Variants in CFAP58 observed in about 807,000 individuals in gnomAD.
CFAP58 encodes the protein cilia- and flagella-associated protein 58.
In CFAP58, 88 loss-of-function variants were observed where a neutral mutation model predicts 119.5. The ratio of observed to expected loss-of-function variants is 0.74; its 90% CI spans 0.62 to 0.88. CFAP58 has a LOEUF of 0.88. Ranked by LOEUF, CFAP58 falls within the 40% of genes least tolerant of loss-of-function variation. The probability of loss-of-function intolerance (pLI) is 0.00; values close to 1 mark genes in which losing one functional copy is unlikely to be tolerated. For missense variants in CFAP58, 990 were observed against 1,021.2 expected, an observed-to-expected ratio of 0.97 and a Z score of 0.42; for synonymous variants, 365 against 366.3, an observed-to-expected ratio of 1.00 and a Z score of 0.04.
chr10:104,440,845 G>T (rs1278031490), intron 15 of CFAP58, among the ~76,000 whole-genome samples: 1 of 151,104 alleles, frequency 6.6e-6, no homozygotes, highest in Non-Finnish European at 1.5e-5. Context: ...TTCCCTTTCC[G>T]TGGCCCACCA....
At chr10:104,434,114 C>T (rs988367621) in intron 15 of CFAP58, among the ~76,000 whole-genome samples, 1 of 152,172 alleles carries the variant, frequency 6.6e-6, no homozygotes, top group African/African-American at 2.4e-5. Flanking sequence ...GCCTCTGTTT[C>T]CTCTGCTGTG....
chr10:104,447,948 T>C lies in CFAP58; in HGVS notation c.2376+131T>C, dbSNP rs898363892. ...CACGATCCTCTGAGGTCAGCTCCCT[T>C]AGAGCTCTAGTCTAGGATGAGCCAG... is the stretch of plus-strand genomic sequence containing the variant. On this transcript the variant is annotated intron_variant, in intron 16 of 17. Coordinates refer to ENST00000369704, the MANE Select transcript of CFAP58 (RefSeq NM_001008723.2). The C allele has an allele frequency of 2.7e-5, 31 of 1,147,380 alleles. No homozygotes were observed. In the Middle Eastern group the frequency reaches 9.1e-4, roughly 34 times the overall value. 71.1% of individuals were successfully genotyped at this position (1,147,380 alleles called of 1,614,324 possible). A position where few individuals can be genotyped will look rare whatever the true frequency, so the allele number is the denominator to read the frequency against.
chr10:104,348,453 A>C, the CFAP58 span, among the ~76,000 whole-genome samples: 1 of 152,218 alleles, frequency 6.6e-6, no homozygotes, highest in East Asian at 1.9e-4. Context: ...ATCCAGGTTT[A>C]AATAAGGAGC....
At chr10:104,354,058 T>C (rs879092527) in intron 1 of CFAP58, 152 bp downstream of exon 1, 1 of 934,480 alleles carries the variant, frequency 1.1e-6, no homozygotes, top group East Asian at 2.6e-5. Context: ...CCTTTCTCCG[T>C]TGGCTCTGGC....
intron 16 of CFAP58, among the ~76,000 whole-genome samples, chr10:104,449,455 T>C (rs1454109370): frequency 6.6e-6 from 1 of 152,180 alleles, no homozygotes; most frequent in Non-Finnish European, 1.5e-5. Flanking sequence ...ATTCCCACTC[T>C]TCTTGTCCAG....
chr10:104,357,070 A>G (rs1337744615), intron 1 of CFAP58, among the ~76,000 whole-genome samples: 3 of 152,226 alleles, frequency 2.0e-5, no homozygotes, highest in Admixed American at 6.5e-5. Context: ...AACTTATTAA[A>G]TGACTCTGTT....
intron 15 of CFAP58, among the ~76,000 whole-genome samples, chr10:104,436,528 T>TAGGCA (rs1202207120): frequency 1.3e-5 from 2 of 151,528 alleles, no homozygotes; most frequent in African/African-American, 4.9e-5. Flanking sequence ...GAAGCGGGAG[T>TAGGCA]AGGCACCGCA....
intron 15 of CFAP58, among the ~76,000 whole-genome samples, chr10:104,412,172 C>T (rs2012471444): frequency 6.6e-6 from 1 of 152,292 alleles, no homozygotes; most frequent in South Asian, 2.1e-4. Flanking sequence ...TTTAGTCTGA[C>T]ATATTGCCAT....
intron 9 of CFAP58, among the ~76,000 whole-genome samples, chr10:104,390,101 T>G (rs976969931): frequency 6.6e-6 from 1 of 152,162 alleles, no homozygotes. Flanking sequence ...ATATATGTCT[T>G]TTGAGCCAGC....
chr10:104,446,425 T>A (rs1466437358), intron 15 of CFAP58, among the ~76,000 whole-genome samples: 1 of 152,236 alleles, frequency 6.6e-6, no homozygotes, highest in East Asian at 1.9e-4. Flanking sequence ...GTAATGGAGT[T>A]TCAATAATTT....
chr10:104,439,746 A>C, intron 15 of CFAP58, among the ~76,000 whole-genome samples: 1 of 134,392 alleles, frequency 7.4e-6, no homozygotes, highest in African/African-American at 2.9e-5. Context: ...TTTCAAAGAA[A>C]AATAGCAAAA....
In CFAP58 at chr10:104,388,294, G is replaced by A. The variant is rs2011965160; in HGVS notation, c.1366-3939G>A. ...GTAGTGTAAACTATCATAATAATTT[G>A]TTAGCATTTATTAAATGATTAAATT... On this transcript the variant is annotated intron_variant, in intron 9 of 17. Transcript: ENST00000369704. Among the ~76,000 whole-genome samples the A allele has an allele frequency of 3.3e-5, 5 of 152,124 alleles. No homozygotes were observed. In the South Asian group the frequency reaches 1.0e-3, roughly 32 times the overall value.
At chr10:104,354,239 C>A (rs1037048788) in intron 1 of CFAP58, among the ~76,000 whole-genome samples, 5 of 152,166 alleles carry the variant, frequency 3.3e-5, no homozygotes, top group Non-Finnish European at 5.9e-5. Context: ...GAGGCTCACA[C>A]AGAAATATTG....
chr10:104,359,258 C>A (rs1047306616), intron 2 of CFAP58, among the ~76,000 whole-genome samples: 3 of 152,126 alleles, frequency 2.0e-5, no homozygotes, highest in Non-Finnish European at 4.4e-5. Flanking sequence ...ATAATTAAAA[C>A]CCTAAATATG....
At chr10:104,442,318 A>G (rs1051664917) in intron 15 of CFAP58, among the ~76,000 whole-genome samples, 1 of 152,158 alleles carries the variant, frequency 6.6e-6, no homozygotes, top group Non-Finnish European at 1.5e-5. Context: ...GGCTGGGTGC[A>G]GTGGCTCATG....
Position 104,362,005 on chromosome 10 carries a change from A to G in CFAP58, c.292-18A>G, listed in dbSNP as rs774476873. ...ATCCAGTTTGGTCTTTCTCACTGAT[A>G]TCCTATGGCCCATCTAGGAAATTGA... On this transcript the variant is annotated intron_variant, in intron 2 of 17. Transcript: ENST00000369704. 9 of 1,607,406 alleles carry G rather than the reference A, an allele frequency of 5.6e-6. No individual in the cohort carries two copies. In the African/African-American group the frequency reaches 1.2e-4, roughly 22 times the overall value.
At chr10:104,398,511 C>T (rs1287691351) in intron 11 of CFAP58, among the ~76,000 whole-genome samples, 1 of 152,196 alleles carries the variant, frequency 6.6e-6, no homozygotes, top group Non-Finnish European at 1.5e-5. Flanking sequence ...AATGAACATG[C>T]ACTTTGATGA....
chr10:104,340,348 C>T, the CFAP58 span, among the ~76,000 whole-genome samples: 1 of 152,152 alleles, frequency 6.6e-6, no homozygotes, highest in Non-Finnish European at 1.5e-5. Context: ...CATATGTACT[C>T]TACTTTCTGC....
intron 15 of CFAP58, among the ~76,000 whole-genome samples, chr10:104,439,880 C>T (rs1490641233): frequency 2.0e-5 from 3 of 152,240 alleles, no homozygotes; most frequent in Non-Finnish European, 1.5e-5. Flanking sequence ...AGTGCAGTGG[C>T]GCGATCTCGG....
Sources: allele counts gnomAD v4.1 joint callset (sites outside exome capture counted in the v4.1 genomes callset), GRCh38; gene constraint gnomAD v4.1.1; transcripts MANE v1.5; gene names NCBI Gene and HGNC (gene_info 2026-07-23, HGNC 2026-07-21).